ZSCAN5A: variants seen among roughly 807,000 people sequenced by gnomAD.
The protein encoded by ZSCAN5A is zinc finger and SCAN domain containing 5A, also known as zinc finger and SCAN domain-containing protein 5A.
A neutral mutation model predicts 23.7 loss-of-function variants in ZSCAN5A; 12 were observed. The observed-to-expected ratio is 0.51, with a 90% CI of 0.32 to 0.82. The LOEUF is 0.82. Among genes scored for constraint, ZSCAN5A ranks in the 40% least tolerant of loss-of-function variants. ZSCAN5A has a pLI of 0.03. For synonymous variants in ZSCAN5A, 257 were observed against 239.9 expected, an observed-to-expected ratio of 1.07 and a Z score of -0.66; for missense variants, 597 against 617.9, an observed-to-expected ratio of 0.97 and a Z score of 0.36.
chr19:56,293,825 T>C (rs1435769286), intron 2 of ZSCAN5A, among the ~76,000 whole-genome samples: 5 of 152,086 alleles, frequency 3.3e-5, no homozygotes, highest in Admixed American at 1.3e-4. Context: ...CTACACATCC[T>C]ACAATGCACA....
At chr19:56,322,405 T>G in intron 2 of ZSCAN5A, 1 of 657,238 alleles carries the variant, frequency 1.5e-6, no homozygotes, top group East Asian at 2.7e-5. Flanking sequence ...GCCTACAAAT[T>G]TGTCCAGGAG....
intron 2 of ZSCAN5A, among the ~76,000 whole-genome samples, chr19:56,274,309 C>G (rs925254375): frequency 6.6e-6 from 1 of 151,976 alleles, no homozygotes; most frequent in Non-Finnish European, 1.5e-5. Context: ...CAAAAATTAT[C>G]CAGGCATGGT....
intron 2 of ZSCAN5A, among the ~76,000 whole-genome samples, chr19:56,334,291 ATC>A (rs1222098668): frequency 6.6e-6 from 1 of 152,118 alleles, no homozygotes; most frequent in East Asian, 1.9e-4. Context: ...CTGCACCACA[ATC>A]TCTGCAAAGA....
chr19:56,329,025 A>G (rs1018691844), intron 2 of ZSCAN5A, among the ~76,000 whole-genome samples: 5 of 150,872 alleles, frequency 3.3e-5, no homozygotes, highest in Non-Finnish European at 7.4e-5. Context: ...AAATAAATAA[A>G]TAAAAGAAAT....
intron 2 of ZSCAN5A, among the ~76,000 whole-genome samples, chr19:56,349,797 A>C (rs530192116): frequency 4.6e-5 from 7 of 151,894 alleles, no homozygotes; most frequent in African/African-American, 1.7e-4. Flanking sequence ...CATCTTACTC[A>C]GTCCCACTCC....
intron 2 of ZSCAN5A, among the ~76,000 whole-genome samples, chr19:56,242,850 C>G (rs997626934): frequency 1.1e-4 from 16 of 152,284 alleles, no homozygotes; most frequent in South Asian, 2.1e-4. Flanking sequence ...GTGATGTCGG[C>G]TCACTACAAC....
At chr19:56,281,238 G>A (rs1173858696) in intron 2 of ZSCAN5A, among the ~76,000 whole-genome samples, 1 of 152,102 alleles carries the variant, frequency 6.6e-6, no homozygotes, top group Non-Finnish European at 1.5e-5. Flanking sequence ...CCAGAAGAAG[G>A]AAGGGGAGGG....
At chr19:56,280,896 AAACCATAACACAT>A (rs1264649775) in intron 2 of ZSCAN5A, among the ~76,000 whole-genome samples, 3 of 152,266 alleles carry the variant, frequency 2.0e-5, no homozygotes, top group African/African-American at 7.2e-5. Context: ...GTACACACTC[AAACCATAACACAT>A]ACACATTTGA....
At chr19:56,348,811 G>A (rs1010014418) in intron 2 of ZSCAN5A, among the ~76,000 whole-genome samples, 3 of 152,126 alleles carry the variant, frequency 2.0e-5, no homozygotes, top group African/African-American at 4.8e-5. Context: ...CAAGGTAGCC[G>A]AAAGAAATAA....
intron 2 of ZSCAN5A, chr19:56,322,422 G>A (rs4462708): frequency 0.051 from 30,816 of 602,248 alleles, 1,988 homozygotes; most frequent in East Asian, 0.27. Flanking sequence ...GGAGGCGGGC[G>A]ACCCCGCAAC....
chr19:56,241,786 T>C (rs2035444496), intron 2 of ZSCAN5A, among the ~76,000 whole-genome samples: 1 of 152,190 alleles, frequency 6.6e-6, no homozygotes, highest in African/African-American at 2.4e-5. Flanking sequence ...ATGAGTCCAC[T>C]AGGCTTTTAA....
In ZSCAN5A at chr19:56,353,670, T is replaced by A. The variant is rs371908679; in HGVS notation, c.-358+9565A>T. On this transcript the variant is annotated intron_variant, in intron 2 of 6. Coordinates refer to the ZSCAN5A transcript ENST00000587340. ...GGTGGCAGGCACCTGTAGTCCCAGC[T>A]ACTCGGAAGGCTGAGGCAGGAGAAT... is the stretch of plus-strand genomic sequence containing the variant. Among the ~76,000 whole-genome samples the A allele has an allele frequency of 3.3e-5, 5 of 151,842 alleles. 1 individual carries two copies. Among genetic ancestry groups the A allele is most frequent in the Admixed American group, 2.6e-4 (4 of 15,250 alleles).
intron 2 of ZSCAN5A, among the ~76,000 whole-genome samples, chr19:56,239,408 T>C: frequency 6.6e-6 from 1 of 152,226 alleles, no homozygotes; most frequent in Non-Finnish European, 1.5e-5. Flanking sequence ...ATCCACGCAG[T>C]ATAATTCACA....
Position 56,296,676 on chromosome 19 carries a change from G to C in ZSCAN5A, c.-128+16607C>G, listed in dbSNP as rs181991645. Among the ~76,000 whole-genome samples, 211 of 152,280 alleles carry C rather than the reference G, an allele frequency of 1.4e-3. 1 individual carries two copies. The highest frequency in any genetic ancestry group is 6.2e-4 in the Non-Finnish European group (42 of 68,024). Reference sequence around the variant, plus strand: ...AACAAAGAGCAGTAGTTATAGGTCTGCTGAAGGCTATTATGTCCTATGGAG... The same window carrying C: ...AACAAAGAGCAGTAGTTATAGGTCTCCTGAAGGCTATTATGTCCTATGGAG... On this transcript the variant is annotated intron_variant, in intron 2 of 5. Transcript: ENST00000683990.
intron 2 of ZSCAN5A, chr19:56,284,280 T>C: frequency 1.9e-6 from 1 of 529,858 alleles, no homozygotes; most frequent in Non-Finnish European, 2.4e-6. Flanking sequence ...TGCTCTAGAA[T>C]GTACAACTGG....
chr19:56,255,407 G>C (rs2146791025), intron 2 of ZSCAN5A, among the ~76,000 whole-genome samples: 1 of 152,200 alleles, frequency 6.6e-6, no homozygotes, highest in African/African-American at 2.4e-5. Context: ...CAGAGAATTA[G>C]AAAGTCTGCC....
At chr19:56,303,702 G>C (rs921005246) in intron 2 of ZSCAN5A, among the ~76,000 whole-genome samples, 6 of 152,138 alleles carry the variant, frequency 3.9e-5, no homozygotes, top group African/African-American at 1.4e-4. Context: ...CCATGTTTGG[G>C]ATAGCAGGAG....
chr19:56,238,015 G>GAACAC (rs2035103736), intron 2 of ZSCAN5A, among the ~76,000 whole-genome samples: 1 of 17,416 alleles, frequency 5.7e-5, no homozygotes, highest in Non-Finnish European at 1.2e-4. Flanking sequence ...ACACACACAC[G>GAACAC]TCAAAGAAAC....
In ZSCAN5A at chr19:56,223,696, CT is replaced by C; in HGVS notation, c.522del (p.Glu176LysfsTer33). ...AGCTCTCGGTGGGCCTGGCCTTCCC[CT>C]GGACGCATCTGGTTCACCGAGGAGG... Reference protein sequence around the residue: ...QRASSVNQMRPGEGQAHRELQ... With the variant: ...QRASSVNQMRXGEGQAHRELQ... On this transcript the variant is annotated frameshift_variant, in exon 4 of 6. Coordinates refer to ENST00000683990, the MANE Select transcript of ZSCAN5A (RefSeq NM_001322064.3). LOFTEE classifies it high-confidence loss of function. The C allele has an allele frequency of 6.2e-7, 1 of 1,607,658 alleles. No homozygotes were observed. Among genetic ancestry groups the C allele is most frequent in the Non-Finnish European group, 8.5e-7 (1 of 1,177,222 alleles).
Sources: allele counts gnomAD v4.1 joint callset (sites outside exome capture counted in the v4.1 genomes callset), GRCh38; gene constraint gnomAD v4.1.1; transcripts MANE v1.5; gene names NCBI Gene and HGNC (gene_info 2026-07-23, HGNC 2026-07-21).